Variants in IL17REL observed in about 807,000 individuals in gnomAD.
IL17REL encodes interleukin 17 receptor E like, also known as interleukin-17 receptor E-like protein.
A neutral mutation model predicts 49.0 loss-of-function variants in IL17REL; 36 were observed. The observed-to-expected ratio is 0.73, with a 90% confidence interval of 0.56 to 0.97. IL17REL has a LOEUF of 0.97. IL17REL is among the 50% of genes least tolerant of loss of function. The pLI is 0.00. For missense variants in IL17REL, 470 were observed against 453.9 expected (o/e 1.04, Z -0.32); for synonymous variants, 206 against 192.4 (o/e 1.07, Z -0.58).
chr22:49,994,046 T>C (rs570142844), downstream of IL17REL, among the ~76,000 whole-genome samples: 1 of 148,460 alleles, frequency 6.7e-6, no homozygotes, highest in South Asian at 2.2e-4. Flanking sequence ...GGCACCTGGG[T>C]GAGTGGCAGC....
intron 1 of IL17REL, among the ~76,000 whole-genome samples, chr22:50,003,797 C>T (rs1208039657): frequency 6.6e-6 from 1 of 151,926 alleles, no homozygotes; most frequent in East Asian, 1.9e-4. Context: ...TTATTTCCAC[C>T]CCTCAGATAA....
downstream of IL17REL, among the ~76,000 whole-genome samples, chr22:49,991,906 C>G (rs1397712530): frequency 6.6e-6 from 1 of 151,986 alleles, no homozygotes; most frequent in Non-Finnish European, 1.5e-5. Flanking sequence ...GTGGTCCGGG[C>G]ACAGCTTGGT....
rs1416899255 is a variant in IL17REL at position 50,000,895 on chromosome 22, C to T, written c.110-32G>A. On this transcript the variant is annotated intron_variant, in intron 2 of 12. Coordinates refer to ENST00000341280, the Ensembl canonical transcript of IL17REL. ...GGAGGAAGGACCCGGCAGGGTGCATCAGAGCAGGGCCGCCCCTGGCTCCGG... is the reference window on the plus strand; with the variant it reads ...GGAGGAAGGACCCGGCAGGGTGCATTAGAGCAGGGCCGCCCCTGGCTCCGG... 15 of 1,466,548 alleles carry T rather than the reference C, an allele frequency of 1.0e-5. 1 individual carries two copies. The highest frequency in any genetic ancestry group is 5.4e-5 in the South Asian group (4 of 73,950). The allele number at this position is 1,466,548 out of a possible 1,614,324, so 90.8% of individuals were successfully genotyped here. A position where few individuals can be genotyped will look rare whatever the true frequency, so the allele number is the denominator to read the frequency against.
intron 1 of IL17REL, among the ~76,000 whole-genome samples, chr22:50,008,037 G>C (rs1228585816): frequency 6.6e-6 from 1 of 152,078 alleles, no homozygotes; most frequent in Non-Finnish European, 1.5e-5. Flanking sequence ...CCAGGAGTTT[G>C]AGAACAGCCT....
intron 1 of IL17REL, among the ~76,000 whole-genome samples, chr22:50,007,599 G>C (rs1309881458): frequency 6.6e-6 from 1 of 151,984 alleles, no homozygotes; most frequent in Non-Finnish European, 1.5e-5. Context: ...GGCTGGTCTC[G>C]AACTCCTGAC....
At chr22:50,007,984 A>G (rs192352429) in intron 1 of IL17REL, among the ~76,000 whole-genome samples, 2 of 152,234 alleles carry the variant, frequency 1.3e-5, no homozygotes, top group African/African-American at 4.8e-5. Context: ...CAAGTTCACA[A>G]TCCCAGCACT....
intron 4 of IL17REL, 49 bp downstream of exon 5, chr22:50,000,429 C>T (rs533766088): frequency 3.7e-5 from 52 of 1,416,980 alleles, no homozygotes; most frequent in Non-Finnish European, 5.1e-5. Context: ...CCAAGCCAGG[C>T]CCTGGAGGCT....
exon 13 of IL17REL, chr22:49,995,206 TG>T (rs2061027859): frequency 6.6e-6 from 1 of 152,446 alleles, no homozygotes; most frequent in Non-Finnish European, 1.5e-5. Flanking sequence ...CCCAGAGCAC[TG>T]GGGAAGCTCC....
intron 1 of IL17REL, among the ~76,000 whole-genome samples, chr22:50,005,821 T>TA (rs1008067049): frequency 2.5e-5 from 2 of 80,832 alleles, no homozygotes; most frequent in African/African-American, 5.2e-5. Flanking sequence ...CCCCAGAAAA[T>TA]AAAAAAATAA....
upstream of IL17REL, chr22:50,009,022 C>T (rs2061124604): frequency 1.3e-5 from 2 of 152,124 alleles, no homozygotes; most frequent in Admixed American, 1.3e-4. Context: ...GGAGACAGAA[C>T]GATCCGAAAC....
At chr22:50,005,937 G>A (rs1232694078) in intron 1 of IL17REL, among the ~76,000 whole-genome samples, 1 of 152,068 alleles carries the variant, frequency 6.6e-6, no homozygotes, top group African/African-American at 2.4e-5. Flanking sequence ...CAATTGGGCT[G>A]GAGAAAAAAA....
intron 7 of IL17REL, among the ~76,000 whole-genome samples, chr22:49,998,768 C>T (rs1203544396): frequency 5.5e-5 from 8 of 146,424 alleles, no homozygotes; most frequent in Admixed American, 2.0e-4. Context: ...TGCATGGGTG[C>T]GTGTCCATGG....
intron 1 of IL17REL, among the ~76,000 whole-genome samples, chr22:50,002,490 CTTTTCTTTTTT>C (rs2061084951): frequency 7.4e-6 from 1 of 134,298 alleles, no homozygotes. Flanking sequence ...TCTTTCTTTT[CTTTTCTTTTTT>C]TTTTTTTTTT....
In IL17REL at chr22:50,001,108, C is replaced by A. The variant is rs754560571; in HGVS notation, c.83G>T (p.Arg28Leu). ...ATGCAGGGTGATGGAGGCGCGTACA[C>A]GCAGGAGCATCGCGCAGCCGTCAGA... Residue 28 changes from arginine to leucine, a missense_variant, in exon 2 of 13, where the codon CGT (arginine) becomes CTT (leucine). Physicochemically the swap from Arg to Leu is moderately radical, Grantham distance 102. Coordinates refer to ENST00000341280, the Ensembl canonical transcript of IL17REL. 5 of 1,597,980 alleles carry A rather than the reference C, an allele frequency of 3.1e-6. No individual in the cohort carries two copies. In the African/African-American group the frequency reaches 6.7e-5, roughly 21 times the overall value.
intron 1 of IL17REL, 54 bp downstream of exon 2, chr22:50,008,583 C>T (rs759085483): frequency 6.6e-6 from 1 of 152,572 alleles, no homozygotes; most frequent in African/African-American, 2.4e-5. Context: ...GCCCTGGTAG[C>T]CTGGGGTGGG....
intron 3 of IL17REL, 62 bp downstream of exon 4, chr22:50,000,692 G>T (rs116969132): frequency 2.6e-6 from 4 of 1,538,272 alleles, no homozygotes; most frequent in Non-Finnish European, 2.7e-6. Context: ...CAGGGATGGC[G>T]CCCAGGAGGA....
chr22:50,010,288 C>G (rs2061132292), upstream of IL17REL, among the ~76,000 whole-genome samples: 1 of 152,246 alleles, frequency 6.6e-6, no homozygotes, highest in South Asian at 2.1e-4. Flanking sequence ...GGAGCTGACC[C>G]CAGGCTGCTG....
At chr22:50,000,643 C>T in intron 3 of IL17REL, 51 bp from the exon 5 acceptor site, 1 of 1,567,032 alleles carries the variant, frequency 6.4e-7, no homozygotes, top group Non-Finnish European at 8.8e-7. Context: ...CTGCCCACCC[C>T]ACCCGGCCAG....
chr22:50,010,838 G>GGC (rs2061136421), upstream of IL17REL, among the ~76,000 whole-genome samples: 1 of 151,768 alleles, frequency 6.6e-6, no homozygotes, highest in East Asian at 1.9e-4. Flanking sequence ...GCTGAGCCCG[G>GGC]GCGCTGGGCG....
Sources: allele counts gnomAD v4.1 joint callset (sites outside exome capture counted in the v4.1 genomes callset), GRCh38; gene constraint gnomAD v4.1.1; transcripts MANE v1.5; gene names NCBI Gene and HGNC (gene_info 2026-07-23, HGNC 2026-07-21).